The following GLMN variants were observed in gnomAD, a reference collection of about 807,000 sequenced individuals.
The protein encoded by GLMN is glomulin.
In GLMN, 75 loss-of-function variants were observed where a neutral mutation model predicts 87.8. That is an observed-to-expected ratio of 0.85 (90% CI 0.71 to 1.04). GLMN has a LOEUF of 1.04. Ranked by LOEUF, GLMN falls within the 50% of genes least tolerant of loss-of-function variation. The probability of loss-of-function intolerance (pLI) is 0.00; values close to 1 mark genes in which losing one functional copy is unlikely to be tolerated. For missense variants in GLMN, 588 were observed against 658.8 expected, an observed-to-expected ratio of 0.89 and a Z score of 1.18; for synonymous variants, 206 against 221.6, an observed-to-expected ratio of 0.93 and a Z score of 0.63.
At chr1:92,261,904 C>T (rs1655103558) in intron 16 of GLMN, among the ~76,000 whole-genome samples, 1 of 151,456 alleles carries the variant, frequency 6.6e-6, no homozygotes, top group Non-Finnish European at 1.5e-5. Flanking sequence ...GGTGGGTAAA[C>T]CAATGATCAC....
rs766682955 is a variant in GLMN, at chr1:92,297,548, A to C, written c.40-19T>G. On this transcript the variant is annotated intron_variant, in intron 2 of 18. Transcript: ENST00000370360. Reference sequence around the variant, plus strand: ...GGATTTGCTGGCAAAAAAAAAAAAAACCCAAAAAACAAACAAAAAAAAGTA... The same window carrying C: ...GGATTTGCTGGCAAAAAAAAAAAAACCCCAAAAAACAAACAAAAAAAAGTA... 3.9e-6 allele frequency: 6 copies of C among 1,525,226 alleles called. No homozygotes were observed. The highest frequency in any genetic ancestry group is 1.8e-5 in the Admixed American group (1 of 55,722). 94.5% of individuals were successfully genotyped at this position (1,525,226 alleles called of 1,614,324 possible). A position where few individuals can be genotyped will look rare whatever the true frequency, so the allele number is the denominator to read the frequency against.
chr1:92,259,286 A>C (rs1654685842), intron 16 of GLMN, among the ~76,000 whole-genome samples: 1 of 152,210 alleles, frequency 6.6e-6, no homozygotes, highest in Non-Finnish European at 1.5e-5. Context: ...TAAATAGATA[A>C]TATTTGGTAT....
At chr1:92,357,426 G>A in the GLMN span, among the ~76,000 whole-genome samples, 1 of 152,206 alleles carries the variant, frequency 6.6e-6, no homozygotes, top group African/African-American at 2.4e-5. Context: ...AGACAGAAAG[G>A]ATTTCAAGAA....
chr1:92,355,752 T>C, the GLMN span, among the ~76,000 whole-genome samples: 1 of 152,308 alleles, frequency 6.6e-6, no homozygotes, highest in Non-Finnish European at 1.5e-5. Context: ...ACCAACATGA[T>C]GCTCAAAGGA....
At chr1:92,316,266 C>T in the GLMN span, among the ~76,000 whole-genome samples, 6 of 152,170 alleles carry the variant, frequency 3.9e-5, no homozygotes, top group East Asian at 9.6e-4. Flanking sequence ...CTCAGAGGTG[C>T]GGAAGCCAAA....
At chr1:92,330,915 A>G in the GLMN span, among the ~76,000 whole-genome samples, 21 of 152,204 alleles carry the variant, frequency 1.4e-4, no homozygotes, top group African/African-American at 4.8e-4. Flanking sequence ...CCCACCCCAT[A>G]TTTACTGAAT....
At chr1:92,328,170 C>A in the GLMN span, among the ~76,000 whole-genome samples, 1 of 152,146 alleles carries the variant, frequency 6.6e-6, no homozygotes, top group Non-Finnish European at 1.5e-5. Flanking sequence ...CCCAGGTGTT[C>A]TTTGAGCTTC....
chr1:92,270,128 GA>G (rs751367344), intron 8 of GLMN, among the ~76,000 whole-genome samples: 1 of 152,216 alleles, frequency 6.6e-6, no homozygotes, highest in Non-Finnish European at 1.5e-5. Context: ...CAAATCACCA[GA>G]AGCCAGGAGA....
chr1:92,345,533 G>A, the GLMN span, among the ~76,000 whole-genome samples: 2 of 151,976 alleles, frequency 1.3e-5, no homozygotes, highest in African/African-American at 4.8e-5. Context: ...GAGTATGTTT[G>A]TTGGGGATAT....
intron 16 of GLMN, among the ~76,000 whole-genome samples, chr1:92,256,211 G>A (rs911586246): frequency 9.2e-5 from 14 of 151,778 alleles, no homozygotes; most frequent in African/African-American, 2.4e-4. Context: ...GGAAGAAGTC[G>A]AATCCCTGAA....
intron 16 of GLMN, among the ~76,000 whole-genome samples, chr1:92,261,826 G>GTGAT (rs1268038072): frequency 6.6e-6 from 1 of 151,966 alleles, no homozygotes; most frequent in Non-Finnish European, 1.5e-5. Flanking sequence ...GACTGACGGA[G>GTGAT]TGATAGACAG....
chr1:92,311,573 G>A, the GLMN span, among the ~76,000 whole-genome samples: 1 of 152,116 alleles, frequency 6.6e-6, no homozygotes, highest in Non-Finnish European at 1.5e-5. Context: ...TTTGAACTTG[G>A]CATCACTGAG....
At chr1:92,323,638 C>T in the GLMN span, 2 of 1,613,920 alleles carry the variant, frequency 1.2e-6, no homozygotes, top group Non-Finnish European at 1.7e-6. Flanking sequence ...AAATATTAGA[C>T]CACAGCTGCA....
intron 7 of GLMN, among the ~76,000 whole-genome samples, chr1:92,275,263 A>G (rs749020412): frequency 6.6e-6 from 1 of 152,166 alleles, no homozygotes; most frequent in Non-Finnish European, 1.5e-5. Flanking sequence ...TCCTTCACCT[A>G]GAAATCTGAG....
At chr1:92,323,657 G>A in the GLMN span, 3 of 1,613,352 alleles carry the variant, frequency 1.9e-6, no homozygotes, top group African/African-American at 2.7e-5. Context: ...CACCAAAAAA[G>A]CATAATGAAA....
At chr1:92,361,220 G>A in the GLMN span, among the ~76,000 whole-genome samples, 3 of 151,802 alleles carry the variant, frequency 2.0e-5, no homozygotes, top group Non-Finnish European at 4.4e-5. Context: ...TGGACAATAT[G>A]TAAACAGTGC....
chr1:92,256,016 C>CTAAT lies in GLMN; in HGVS notation c.1473+6843_1473+6846dup, dbSNP rs540453953. Reference sequence around the variant, plus strand: ...CTAACAAAACAGACCACTAGCCAGACTAATAAAGAGAGAAGAATCAAATAG... The same window carrying CTAAT: ...CTAACAAAACAGACCACTAGCCAGACTAATTAATAAAGAGAGAAGAATCAAATAG... On this transcript the variant is annotated intron_variant, in intron 16 of 18. Coordinates refer to ENST00000370360, the MANE Select transcript of GLMN (RefSeq NM_053274.3). Among the ~76,000 whole-genome samples the CTAAT allele has an allele frequency of 1.5e-4, 22 of 150,552 alleles. No homozygotes were observed. The South Asian group carries it at 4.6e-3, about 31-fold the overall frequency.
chr1:92,251,262 G>C (rs887635851), intron 16 of GLMN, among the ~76,000 whole-genome samples: 1 of 151,980 alleles, frequency 6.6e-6, no homozygotes, highest in East Asian at 1.9e-4. Context: ...GTGTGGTATT[G>C]GTAAAAGAAT....
chr1:92,310,052 G>A, the GLMN span, among the ~76,000 whole-genome samples: 12 of 152,092 alleles, frequency 7.9e-5, no homozygotes, highest in African/African-American at 2.4e-4. Flanking sequence ...CTAGTGATCC[G>A]TATGAGACCA....
Sources: gnomAD v4.1 joint callset for allele counts (sites outside exome capture counted in the v4.1 genomes callset) on GRCh38, gnomAD v4.1.1 for gene constraint, MANE v1.5 for transcripts, NCBI Gene and HGNC (gene_info 2026-07-23, HGNC 2026-07-21) for gene names.